PPP6R3: variants seen among roughly 807,000 people sequenced by gnomAD.
The protein encoded by PPP6R3 is protein phosphatase 6 regulatory subunit 3, also known as serine/threonine-protein phosphatase 6 regulatory subunit 3.
PPP6R3 carries 38 observed loss-of-function variants against 110.7 expected under a neutral mutation model. The observed-to-expected ratio is 0.34, with a 90% CI of 0.26 to 0.45. PPP6R3 has a LOEUF of 0.45. PPP6R3 is among the 20% of genes least tolerant of loss of function. PPP6R3 has a pLI of 1.00. For missense variants in PPP6R3, 870 were observed against 1,062.4 expected, an observed-to-expected ratio of 0.82 and a Z score of 2.52; for synonymous variants, 369 against 373.5, an observed-to-expected ratio of 0.99 and a Z score of 0.14.
chr11:68,578,834 G>A (rs1363303845), intron 14 of PPP6R3, among the ~76,000 whole-genome samples: 3 of 152,148 alleles, frequency 2.0e-5, no homozygotes, highest in African/African-American at 7.2e-5. Context: ...GTGTTTTTAT[G>A]TTTGGAGTTT....
chr11:68,471,228 G>A (rs1288454237), intron 1 of PPP6R3, among the ~76,000 whole-genome samples: 2 of 149,688 alleles, frequency 1.3e-5, no homozygotes, highest in Non-Finnish European at 3.0e-5. Context: ...AGTTTGCAGT[G>A]AGCTGAGATC....
rs181788681 is a variant in PPP6R3, at chr11:68,584,900, A to T, written c.1632+1771A>T. Among the ~76,000 whole-genome samples, 104 of 152,290 alleles carry T rather than the reference A, an allele frequency of 6.8e-4. 1 individual carries two copies. The highest frequency in any genetic ancestry group is 1.3e-4 in the Non-Finnish European group (9 of 68,028). On this transcript the variant is annotated intron_variant, in intron 15 of 23. Transcript: ENST00000393800. Reference sequence around the variant, plus strand: ...CATGGATCATTTTGAAAATAAATACACTCCAAAGCACTTCTTAAAATTTTG... The same window carrying T: ...CATGGATCATTTTGAAAATAAATACTCTCCAAAGCACTTCTTAAAATTTTG...
rs1172677244 is a variant in PPP6R3 at position 68,542,396 on chromosome 11, T to TTTTGTTTTTTTTTTG, written c.228-2439_228-2438insGTTTTTTTTTTGTTT. ...GGTGCTTGAGAAGCTGCTGTTTTTT[T>TTTTGTTTTTTTTTTG]TTTTTTTTTTTTTTTAAGACAGAGT... On this transcript the variant is annotated intron_variant, in intron 3 of 23. Transcript: ENST00000393800. Among the ~76,000 whole-genome samples the TTTTGTTTTTTTTTTG allele has an allele frequency of 6.0e-4, 66 of 110,690 alleles. 5 individuals are homozygous for TTTTGTTTTTTTTTTG. The highest frequency in any genetic ancestry group is 1.5e-3 in the African/African-American group (43 of 27,896). The allele number at this position is 110,690 out of a possible 152,430, so 72.6% of individuals were successfully genotyped here.
chr11:68,477,737 AAAAAAT>A (rs1446797863), intron 1 of PPP6R3, among the ~76,000 whole-genome samples: 67 of 64,528 alleles, frequency 1.0e-3, no homozygotes, highest in South Asian at 5.6e-3. Context: ...TTAAAAAAAA[AAAAAAT>A]ATATATATAT....
At position 68,573,155 on chromosome 11, in the gene PPP6R3, A is replaced by ATT. The variant is rs531330466; in HGVS notation, c.1344-942_1344-941dup. On this transcript the variant is annotated intron_variant, in intron 12 of 23. Transcript: ENST00000393800. ...ATATATATATATATATATATATATA[A>ATT]TTTTTTTTTTTTTGAGACGGAGTCT... 2.4e-4 allele frequency among the ~76,000 whole-genome samples: 7 copies of ATT among 29,572 alleles called. No individual in the cohort carries two copies. The East Asian group carries it at 7.2e-3, about 30-fold the overall frequency. The allele number at this position is 29,572 out of a possible 152,430, so 19.4% of individuals were successfully genotyped here.
In PPP6R3 at chr11:68,614,141, A is replaced by G. The variant is rs1352578731; in HGVS notation, c.*1024A>G. 2 of 986,410 alleles carry G rather than the reference A, an allele frequency of 2.0e-6. No individual in the cohort carries two copies. The highest frequency in any genetic ancestry group is 3.5e-5 in the African/African-American group (2 of 57,248). The allele number at this position is 986,410 out of a possible 1,614,324, so 61.1% of individuals were successfully genotyped here. On this transcript the variant is annotated 3_prime_UTR_variant, in exon 24 of 24. Coordinates refer to ENST00000393800, the MANE Select transcript of PPP6R3 (RefSeq NM_001164161.2). ...TTTTACAGGCTAGTATTTTAAAAGT[A>G]GAAATCAAAATCTGGCACCGAAGCA... is the stretch of plus-strand genomic sequence containing the variant.
intron 2 of PPP6R3, chr11:68,522,513 C>G (rs1178676708): frequency 6.6e-6 from 1 of 152,222 alleles, no homozygotes; most frequent in African/African-American, 2.4e-5. Context: ...GTTCTTTGCC[C>G]TGTGCTCAGA....
At chr11:68,567,435 C>T (rs892199450) in intron 10 of PPP6R3, among the ~76,000 whole-genome samples, 8 of 152,158 alleles carry the variant, frequency 5.3e-5, no homozygotes, top group African/African-American at 1.2e-4. Flanking sequence ...CCTCGTGCTC[C>T]GTCTCGTGGA....
chr11:68,472,786 A>C (rs1405936004), intron 1 of PPP6R3, among the ~76,000 whole-genome samples: 1 of 152,144 alleles, frequency 6.6e-6, no homozygotes, highest in Non-Finnish European at 1.5e-5. Context: ...CAACAAAACC[A>C]CCTTGTACCC....
In PPP6R3 at chr11:68,545,040, C is replaced by G. The variant is rs1433537657; in HGVS notation, c.414+16C>G. 1.3e-6 allele frequency: 2 copies of G among 1,567,778 alleles called. No homozygotes were observed. The highest frequency in any genetic ancestry group is 1.8e-6 in the Non-Finnish European group (2 of 1,139,750). On this transcript the variant is annotated intron_variant, in intron 4 of 23. Transcript: ENST00000393800. The stretch of plus-strand genomic sequence containing the variant: ...ACCAGAACAGGTAAATATGATTTTC[C>G]AAAAGGTAAGTATTAGGGCTGATCA...
At chr11:68,479,537 A>G (rs1474239071) in intron 1 of PPP6R3, among the ~76,000 whole-genome samples, 1 of 152,082 alleles carries the variant, frequency 6.6e-6, no homozygotes, top group Non-Finnish European at 1.5e-5. Context: ...TAGCACTTTG[A>G]CAGCACTTTC....
At chr11:68,476,308 C>T (rs960195841) in intron 1 of PPP6R3, among the ~76,000 whole-genome samples, 1 of 152,140 alleles carries the variant, frequency 6.6e-6, no homozygotes, top group Non-Finnish European at 1.5e-5. Flanking sequence ...CAAAAAAATA[C>T]GAAAACCAGT....
chr11:68,535,795 C>T (rs949902441), intron 2 of PPP6R3, among the ~76,000 whole-genome samples: 2 of 129,640 alleles, frequency 1.5e-5, no homozygotes, highest in South Asian at 4.9e-4. Context: ...AACCCCGTCT[C>T]TACTAAAAAA....
chr11:68,535,942 G>C (rs997807298), intron 2 of PPP6R3, among the ~76,000 whole-genome samples: 3 of 152,048 alleles, frequency 2.0e-5, no homozygotes, highest in African/African-American at 7.2e-5. Context: ...ACTCCAGCCT[G>C]GGTGACAGAG....
chr11:68,551,264 AT>A, intron 6 of PPP6R3, 78 bp downstream of exon 6: 1 of 1,069,122 alleles, frequency 9.4e-7, no homozygotes, highest in Non-Finnish European at 1.4e-6. Context: ...GAGCATACTT[AT>A]ATTAAATGTG....
At chr11:68,607,702 A>G (rs903339777) in intron 22 of PPP6R3, among the ~76,000 whole-genome samples, 1 of 152,136 alleles carries the variant, frequency 6.6e-6, no homozygotes, top group African/African-American at 2.4e-5. Flanking sequence ...TATCTATCTC[A>G]TCTGTCTGTC....
At chr11:68,523,730 T>C in intron 2 of PPP6R3, among the ~76,000 whole-genome samples, 1 of 129,688 alleles carries the variant, frequency 7.7e-6, no homozygotes, top group Admixed American at 8.6e-5. Flanking sequence ...CCTTTTTTTT[T>C]TCTCTTGGCC....
chr11:68,603,572 T>G (rs1220413001), intron 22 of PPP6R3, 80 bp downstream of exon 22: 1 of 1,527,356 alleles, frequency 6.5e-7, no homozygotes, highest in African/African-American at 1.4e-5. Flanking sequence ...ATTAAAATTT[T>G]TAATTTGATT....
chr11:68,503,646 G>A (rs1446315024), intron 1 of PPP6R3, among the ~76,000 whole-genome samples: 3 of 152,230 alleles, frequency 2.0e-5, no homozygotes, highest in Non-Finnish European at 2.9e-5. Context: ...GTTTCATTTG[G>A]ATTTAGCCTT....
Sources: gnomAD v4.1 joint callset for allele counts (sites outside exome capture counted in the v4.1 genomes callset) on GRCh38, gnomAD v4.1.1 for gene constraint, MANE v1.5 for transcripts, NCBI Gene and HGNC (gene_info 2026-07-23, HGNC 2026-07-21) for gene names.